SYCE3: variants seen among roughly 807,000 people sequenced by gnomAD.
SYCE3 encodes the protein testis highly expressed gene 2 protein.
Under a neutral mutation model 8.1 loss-of-function variants are expected in SYCE3, and 3 were observed. The observed-to-expected ratio is 0.37, with a 90% CI of 0.17 to 0.96. The LOEUF is 0.96. SYCE3 is among the 40% of genes least tolerant of loss of function. The probability of loss-of-function intolerance (pLI) is 0.41; values close to 1 mark genes in which losing one functional copy is unlikely to be tolerated. For missense variants in SYCE3, 83 were observed against 110.0 expected (o/e 0.75, Z 1.10); for synonymous variants, 36 against 38.7 (o/e 0.93, Z 0.26).
At chr22:50,553,625 C>A (rs955557891) in intron 2 of SYCE3, among the ~76,000 whole-genome samples, 1 of 152,140 alleles carries the variant, frequency 6.6e-6, no homozygotes, top group Non-Finnish European at 1.5e-5. Context: ...CTCCGTCACC[C>A]AGGCTGCAGT....
At chr22:50,558,461 T>C (rs1311564464) in intron 1 of SYCE3, among the ~76,000 whole-genome samples, 1 of 151,998 alleles carries the variant, frequency 6.6e-6, no homozygotes, top group Non-Finnish European at 1.5e-5. Flanking sequence ...AATTATTATC[T>C]TTCCCCTCTT....
At chr22:50,555,071 G>A (rs1336688132) in intron 2 of SYCE3, among the ~76,000 whole-genome samples, 1 of 152,054 alleles carries the variant, frequency 6.6e-6, no homozygotes, top group Non-Finnish European at 1.5e-5. Context: ...GCAGTGAGCC[G>A]AGATCACGCC....
intron 2 of SYCE3, among the ~76,000 whole-genome samples, chr22:50,552,824 G>C (rs2069823816): frequency 6.6e-6 from 1 of 152,116 alleles, no homozygotes; most frequent in South Asian, 2.1e-4. Context: ...TCCTGAATGG[G>C]ATTAGCACCC....
At chr22:50,561,535 GGGA>G (rs1227846362) in intron 1 of SYCE3, among the ~76,000 whole-genome samples, 1 of 144,304 alleles carries the variant, frequency 6.9e-6, no homozygotes, top group African/African-American at 2.7e-5. Context: ...AGCGTGGGGC[GGGA>G]GGAGTGTGGG....
At chr22:50,552,423 G>C (rs908430109) in intron 2 of SYCE3, among the ~76,000 whole-genome samples, 15 of 151,816 alleles carry the variant, frequency 9.9e-5, no homozygotes, top group Non-Finnish European at 1.8e-4. Context: ...GAGGCCAAGG[G>C]GGGTAGATCA....
At chr22:50,558,031 T>A (rs1042602717) in intron 1 of SYCE3, among the ~76,000 whole-genome samples, 35 of 152,214 alleles carry the variant, frequency 2.3e-4, no homozygotes, top group African/African-American at 3.6e-4. Flanking sequence ...CAATGAACTA[T>A]TCCTAGTGTT....
At position 50,551,500 on chromosome 22, in the gene SYCE3, G is replaced by A. The variant is rs958144320; in HGVS notation, c.110-98C>T. On this transcript the variant is annotated intron_variant, in intron 2 of 2. Coordinates refer to ENST00000406915, the MANE Select transcript of SYCE3 (RefSeq NM_001123225.3). ...ATGCCTCCAGCTGGGCTCAGCATCTGGAGGCCCAGATCCTGCTGAGGCACC... is the reference window on the plus strand; with the variant it reads ...ATGCCTCCAGCTGGGCTCAGCATCTAGAGGCCCAGATCCTGCTGAGGCACC... The A allele has an allele frequency of 1.7e-5, 22 of 1,332,402 alleles. No homozygotes were observed. The African/African-American group carries it at 2.5e-4, about 15-fold the overall frequency. The allele number at this position is 1,332,402 out of a possible 1,614,324, so 82.5% of individuals were successfully genotyped here. A position where few individuals can be genotyped will look rare whatever the true frequency, so the allele number is the denominator to read the frequency against.
chr22:50,559,106 C>T (rs1363292950), intron 1 of SYCE3, among the ~76,000 whole-genome samples: 6 of 151,972 alleles, frequency 3.9e-5, no homozygotes, highest in African/African-American at 4.8e-5. Flanking sequence ...CCTTTTAGCC[C>T]CTTCTCTTCT....
chr22:50,553,922 G>A (rs964297353), intron 2 of SYCE3, among the ~76,000 whole-genome samples: 14 of 152,162 alleles, frequency 9.2e-5, no homozygotes, highest in East Asian at 3.9e-4. Context: ...GGCTGGGTGC[G>A]GTGGCTCATT....
intron 2 of SYCE3, among the ~76,000 whole-genome samples, chr22:50,554,194 C>CAGAA (rs531615519): frequency 7.4e-5 from 8 of 108,618 alleles, no homozygotes; most frequent in African/African-American, 1.6e-4. Context: ...GACTCTGTCT[C>CAGAA]AAAAAAAAAA....
intron 2 of SYCE3, 58 bp downstream of exon 2, chr22:50,556,239 T>G: frequency 7.6e-7 from 1 of 1,315,200 alleles, no homozygotes. Context: ...CTTGGCAAAA[T>G]AAACTTTCTA....
chr22:50,561,853 T>C lies in SYCE3; in HGVS notation c.-1+1005A>G, dbSNP rs564177557. On this transcript the variant is annotated intron_variant, in intron 1 of 2. Coordinates refer to ENST00000406915, the MANE Select transcript of SYCE3 (RefSeq NM_001123225.3). Reference sequence around the variant, plus strand: ...TGAAGAGTCTGGGCGGGTCCTGAAGTGCAGGTGGAGGAAGCCAGAGGTGCG... The same window carrying C: ...TGAAGAGTCTGGGCGGGTCCTGAAGCGCAGGTGGAGGAAGCCAGAGGTGCG... Among the ~76,000 whole-genome samples, 4 of 149,394 alleles carry C rather than the reference T, an allele frequency of 2.7e-5. No homozygotes were observed. In the South Asian group the frequency reaches 8.6e-4, roughly 32 times the overall value.
intron 1 of SYCE3, among the ~76,000 whole-genome samples, chr22:50,557,047 G>C (rs998669700): frequency 6.6e-6 from 1 of 152,112 alleles, no homozygotes; most frequent in Non-Finnish European, 1.5e-5. Flanking sequence ...AGACTGTCCT[G>C]GTTCTGGAAT....
chr22:50,553,202 A>AAAATAAATAAATAAATAAATAAATAAAT (rs368358510), intron 2 of SYCE3, among the ~76,000 whole-genome samples: 15 of 151,560 alleles, frequency 9.9e-5, no homozygotes, highest in South Asian at 2.1e-4. Context: ...ACCCTGTCTC[A>AAAATAAATAAATAAATAAATAAATAAAT]AAATAAATAA....
At chr22:50,559,341 G>A (rs1217632783) in intron 1 of SYCE3, among the ~76,000 whole-genome samples, 1 of 152,052 alleles carries the variant, frequency 6.6e-6, no homozygotes, top group South Asian at 2.1e-4. Context: ...TGGCCAGGCT[G>A]GTCTCAAACT....
chr22:50,557,073 C>T lies in SYCE3; in HGVS notation c.1-668G>A, dbSNP rs536768183. Reference sequence around the variant, plus strand: ...GTTCTGGAATTGAGCTGCCTGGGTTCAAATCTTGGCGCTACCTCATATCAG... The same window carrying T: ...GTTCTGGAATTGAGCTGCCTGGGTTTAAATCTTGGCGCTACCTCATATCAG... On this transcript the variant is annotated intron_variant, in intron 1 of 2. Transcript: ENST00000406915. Among the ~76,000 whole-genome samples, 20 of 152,064 alleles carry T rather than the reference C, an allele frequency of 1.3e-4. 2 individuals are homozygous for T. Among genetic ancestry groups the T allele is most frequent in the African/African-American group, 4.1e-4 (17 of 41,494 alleles).
rs1185481590 is a variant in SYCE3, at chr22:50,556,280, G to A, written c.109+17C>T. Reference sequence around the variant, plus strand: ...ATTGAGACCTGTCTCAGATACTTTTGGGTTCACACATCCTACCTGAGATTT... The same window carrying A: ...ATTGAGACCTGTCTCAGATACTTTTAGGTTCACACATCCTACCTGAGATTT... On this transcript the variant is annotated intron_variant, in intron 2 of 2. Coordinates refer to ENST00000406915, the MANE Select transcript of SYCE3 (RefSeq NM_001123225.3). 3.3e-6 allele frequency: 5 copies of A among 1,510,370 alleles called. No homozygotes were observed. The East Asian group carries it at 1.2e-4, about 37-fold the overall frequency. The allele number at this position is 1,510,370 out of a possible 1,614,324, so 93.6% of individuals were successfully genotyped here. A position where few individuals can be genotyped will look rare whatever the true frequency, so the allele number is the denominator to read the frequency against.
intron 2 of SYCE3, among the ~76,000 whole-genome samples, chr22:50,554,923 C>A (rs2069844514): frequency 6.6e-6 from 1 of 151,508 alleles, no homozygotes; most frequent in Non-Finnish European, 1.5e-5. Flanking sequence ...GAGATCAAGA[C>A]CATCCTGGCT....
chr22:50,559,994 C>T (rs1257361520), intron 1 of SYCE3, among the ~76,000 whole-genome samples: 1 of 152,084 alleles, frequency 6.6e-6, no homozygotes, highest in Non-Finnish European at 1.5e-5. Flanking sequence ...GTCACACTGG[C>T]AATCTTGACA....
Sources: allele counts gnomAD v4.1 joint callset (sites outside exome capture counted in the v4.1 genomes callset), GRCh38; gene constraint gnomAD v4.1.1; transcripts MANE v1.5; gene names NCBI Gene and HGNC (gene_info 2026-07-23, HGNC 2026-07-21).